Variants in ETV3 observed in about 807,000 individuals in gnomAD.
ETV3 encodes ETS translocation variant 3.
In ETV3, 8 loss-of-function variants were observed where a neutral mutation model predicts 33.0. The observed-to-expected ratio is 0.24, with a 90% CI of 0.14 to 0.44. The LOEUF (loss-of-function observed/expected upper bound fraction) is 0.44, where lower values mean the gene tolerates loss of function less well. ETV3 is among the 20% of genes least tolerant of loss of function. The probability of loss-of-function intolerance (pLI) is 1.00; values close to 1 mark genes in which losing one functional copy is unlikely to be tolerated. For missense variants in ETV3, 473 were observed against 652.3 expected (o/e 0.73, Z 2.99); for synonymous variants, 222 against 238.9 (o/e 0.93, Z 0.65).
At chr1:157,133,510 G>A (rs1675022152) in intron 4 of ETV3, 2 of 985,916 alleles carry the variant, frequency 2.0e-6, no homozygotes, top group Non-Finnish European at 2.4e-6. Context: ...GTGATGGAAA[G>A]CTATAACCAG....
intron 4 of ETV3, among the ~76,000 whole-genome samples, chr1:157,127,089 G>A (rs192822345): frequency 9.8e-4 from 150 of 152,350 alleles, no homozygotes; most frequent in African/African-American, 3.5e-3. Context: ...TTGGGCCAAG[G>A]CCCCATTCCT....
chr1:157,135,759 A>T, intron 2 of ETV3, 51 bp from the exon 3 acceptor site: 1 of 1,533,186 alleles, frequency 6.5e-7, no homozygotes. Context: ...AGGTACATAC[A>T]TACCAGCAAC....
In ETV3 at chr1:157,135,677, T is replaced by C. The variant is rs1189177956; in HGVS notation, c.78A>G (p.Thr26=). Residue 26 remains threonine, a synonymous_variant, in exon 3 of 5, where the codon ACA becomes ACG. Coordinates refer to ENST00000368192, the MANE Select transcript of ETV3 (RefSeq NM_001145312.3). The stretch of plus-strand genomic sequence containing the variant: ...TCTGCCGGGAGCCTGGGGATGACTC[T>C]GTTTTGTAGGCCCAGTCAGGAAACT... ...GYQFPDWAYK[T]ESSPGSRQIQ... is the part of the protein sequence containing the mutation. 6.2e-7 allele frequency: 1 copy of C among 1,614,144 alleles called. No individual in the cohort carries two copies. Among genetic ancestry groups the C allele is most frequent in the Admixed American group, 1.7e-5 (1 of 60,012 alleles).
At position 157,125,826 on chromosome 1, in the gene ETV3, G is replaced by C; in HGVS notation, c.554C>G (p.Thr185Ser). ...CTCTGAAAGCTCAGTCTTTCTATCA[G>C]TACCATTACTGGACTCCTGGCCAGA... ...TASGQESSNG[T>S]DRKTELSELE... is the part of the protein sequence containing the mutation. The change falls in exon 5 of 5, where the codon ACT (threonine) becomes AGT (serine). Residue 185 changes from threonine (T) to serine (S), a missense_variant. Physicochemically the swap from Thr to Ser is moderately conservative, Grantham distance 58 (BLOSUM62 1). This residue lies in a region of ETV3 where 410 missense variants were observed against 520.2 expected (regional missense o/e 0.79). Transcript: ENST00000368192. The surrounding 1 kb of genome is among the most constrained non-coding windows in gnomAD (Gnocchi z 4.0). The C allele has an allele frequency of 6.4e-7, 1 of 1,551,714 alleles. No homozygotes were observed. The highest frequency in any genetic ancestry group is 8.7e-7 in the Non-Finnish European group (1 of 1,147,004).
Position 157,122,869 on chromosome 1 carries a change from C to T in ETV3, c.*1972G>A, listed in dbSNP as rs1674734771. ...TTGCTGGAGACTACCCTCTCAGTCC[C>T]ATTCCTGGGGAAAGGTAGGTCACTC... On this transcript the variant is annotated 3_prime_UTR_variant, in exon 5 of 5. Transcript: ENST00000368192. The T allele has an allele frequency of 6.6e-6, 1 of 152,204 alleles. No individual in the cohort carries two copies. Among genetic ancestry groups the T allele is most frequent in the South Asian group, 2.1e-4 (1 of 4,828 alleles). 9.4% of individuals were successfully genotyped at this position (152,204 alleles called of 1,614,324 possible).
rs1674831106 is a variant in ETV3 at position 157,126,173 on chromosome 1, CTCTTCACTG to C, written c.401-203_401-195del. ...ACTCAACTTGTCATCCTTCTCTAGG[CTCTTCACTG>C]TCTTCACAGTACTCCTTACTGTCAA... On this transcript the variant is annotated intron_variant, in intron 4 of 4. Transcript: ENST00000368192. 2.0e-5 allele frequency among the ~76,000 whole-genome samples: 3 copies of C among 152,328 alleles called. No individual in the cohort carries two copies. In the Middle Eastern group the frequency reaches 0.01, roughly 518 times the overall value.
Position 157,135,587 on chromosome 1 carries a change from C to A in ETV3, c.168G>T (p.Trp56Cys). The change falls in exon 3 of 5, where the codon TGG (tryptophan) becomes TGT (cysteine). Residue 56 changes from tryptophan to cysteine, a missense_variant. This residue lies in a region of ETV3 where 30 missense variants were observed against 94.9 expected (regional missense o/e 0.32). Coordinates refer to ENST00000368192, the MANE Select transcript of ETV3 (RefSeq NM_001145312.3). ...QKEEFRHVIA[W>C]QQGEYGEFVI... is the part of the protein sequence containing the mutation. ...CAAATTCCCCGTACTCTCCCTGCTGCCAGGCGATGACATGGCGGAACTCTT... is the reference window on the plus strand; with the variant it reads ...CAAATTCCCCGTACTCTCCCTGCTGACAGGCGATGACATGGCGGAACTCTT... The A allele has an allele frequency of 6.2e-7, 1 of 1,614,112 alleles. No individual in the cohort carries two copies.
chr1:157,129,000 T>C (rs1674908557), intron 4 of ETV3, among the ~76,000 whole-genome samples: 1 of 152,264 alleles, frequency 6.6e-6, no homozygotes. Flanking sequence ...GTTTTATATT[T>C]AGATTTACAT....
Position 157,125,405 on chromosome 1 carries a change from G to A in ETV3, c.975C>T (p.Leu325=), listed in dbSNP as rs1674805723. ...SPRTFPRYPG[L]MVPPLQCQMH... ...TTTGGCACTGCAGTGGTGGAACCATGAGCCCTGGGTAACGGGGAAAAGTCC... is the reference window on the plus strand; with the variant it reads ...TTTGGCACTGCAGTGGTGGAACCATAAGCCCTGGGTAACGGGGAAAAGTCC... The change falls in exon 5 of 5, where the codon CTC becomes CTT. Residue 325 remains leucine, a synonymous_variant. Coordinates refer to ENST00000368192, the MANE Select transcript of ETV3 (RefSeq NM_001145312.3). The surrounding 1 kb of genome is among the most constrained non-coding windows in gnomAD (Gnocchi z 4.0). 2 of 1,552,156 alleles carry A rather than the reference G, an allele frequency of 1.3e-6. No homozygotes were observed. The highest frequency in any genetic ancestry group is 2.0e-5 in the Admixed American group (1 of 51,014).
At chr1:157,137,295 C>A (rs1375686108) in intron 1 of ETV3, among the ~76,000 whole-genome samples, 1 of 152,098 alleles carries the variant, frequency 6.6e-6, no homozygotes, top group African/African-American at 2.4e-5. Context: ...CCTCAGCATC[C>A]ACATTAGCAG....
In ETV3 at chr1:157,124,652, G is replaced by A; in HGVS notation, c.*189C>T. Reference sequence around the variant, plus strand: ...TGTCCTACTCACCAGGAAAATAAGTGTGTTCATATCCCACCTAATTTACAA... The same window carrying A: ...TGTCCTACTCACCAGGAAAATAAGTATGTTCATATCCCACCTAATTTACAA... On this transcript the variant is annotated 3_prime_UTR_variant, in exon 5 of 5. Coordinates refer to ENST00000368192, the MANE Select transcript of ETV3 (RefSeq NM_001145312.3). The A allele has an allele frequency of 1.8e-6, 1 of 562,746 alleles. No homozygotes were observed. Among genetic ancestry groups the A allele is most frequent in the East Asian group, 3.0e-5 (1 of 33,182 alleles). The allele number at this position is 562,746 out of a possible 1,614,324, so 34.9% of individuals were successfully genotyped here. A position where few individuals can be genotyped will look rare whatever the true frequency, so the allele number is the denominator to read the frequency against.
chr1:157,133,416 G>C lies in ETV3; in HGVS notation c.400+696C>G, dbSNP rs140715351. ...TGGGCAGGAGTATGATTTGCATAAG[G>C]AAAAAAATCACAAACAAAAAACCAC... On this transcript the variant is annotated intron_variant, in intron 4 of 4. Transcript: ENST00000368192. The C allele has an allele frequency of 2.2e-4, 213 of 985,364 alleles. No homozygotes were observed. The African/African-American group carries it at 3.4e-3, about 16-fold the overall frequency. The allele number at this position is 985,364 out of a possible 1,614,324, so 61.0% of individuals were successfully genotyped here. A position where few individuals can be genotyped will look rare whatever the true frequency, so the allele number is the denominator to read the frequency against.
intron 1 of ETV3, among the ~76,000 whole-genome samples, chr1:157,136,860 G>A (rs919599409): frequency 6.6e-6 from 1 of 152,056 alleles, no homozygotes; most frequent in Non-Finnish European, 1.5e-5. Flanking sequence ...ATCTGATTTT[G>A]ATTTATTTTA....
Position 157,124,860 on chromosome 1 carries a change from G to A in ETV3, c.1520C>T (p.Thr507Ile), listed in dbSNP as rs904081440. The A allele has an allele frequency of 6.5e-7, 1 of 1,540,268 alleles. No homozygotes were observed. The highest frequency in any genetic ancestry group is 8.7e-7 in the Non-Finnish European group (1 of 1,143,346). Reference sequence around the variant, plus strand: ...CCAGTTCTAAGCATCAGCAGCTGCTGTTGCCAAGCCCTGGGGTCCTGACCC... The same window carrying A: ...CCAGTTCTAAGCATCAGCAGCTGCTATTGCCAAGCCCTGGGGTCCTGACCC... ...WNGSGPQGLATAAADA is the reference protein window; with the variant it reads ...WNGSGPQGLAIAAADA Residue 507 changes from threonine (T) to isoleucine (I), a missense_variant, in exon 5 of 5, where the codon ACA becomes ATA. By Grantham distance (89) the Thr-to-Ile change is moderately conservative. Around this residue, in one of 3 missense-constraint regions of ETV3, gnomAD observed 410 missense variants for 520.2 expected, o/e 0.79. Coordinates refer to ENST00000368192, the MANE Select transcript of ETV3 (RefSeq NM_001145312.3).
chr1:157,136,802 A>G (rs1408939009), intron 1 of ETV3, among the ~76,000 whole-genome samples: 1 of 152,234 alleles, frequency 6.6e-6, no homozygotes, highest in Non-Finnish European at 1.5e-5. Flanking sequence ...TACCAGTTTA[A>G]AGGATGAAAA....
rs763848021 is a variant in ETV3 at position 157,135,733 on chromosome 1, AAGCTAGTTAAG to A, written c.47-36_47-26del. 1.6e-5 allele frequency: 26 copies of A among 1,611,496 alleles called. No individual in the cohort carries two copies. In the South Asian group the frequency reaches 2.7e-4, roughly 17 times the overall value. On this transcript the variant is annotated intron_variant, in intron 2 of 4. Coordinates refer to ENST00000368192, the MANE Select transcript of ETV3 (RefSeq NM_001145312.3). ...CCTTTCATGTGAGAAGGTCAAGATT[AAGCTAGTTAAG>A]AGGTAGGTACATACATACCAGCAAC...
At chr1:157,136,687 A>G (rs1426994503) in intron 1 of ETV3, among the ~76,000 whole-genome samples, 3 of 152,248 alleles carry the variant, frequency 2.0e-5, no homozygotes, top group African/African-American at 7.2e-5. Context: ...AGGAAGGTAC[A>G]GTGAAATGGG....
chr1:157,128,000 G>T (rs2103201158), intron 4 of ETV3, among the ~76,000 whole-genome samples: 1 of 152,178 alleles, frequency 6.6e-6, no homozygotes, highest in East Asian at 1.9e-4. Context: ...TCAGGCAAAG[G>T]TGAAGAAAGA....
chr1:157,125,610 C>T lies in ETV3; in HGVS notation c.770G>A (p.Gly257Asp). 1 of 1,551,694 alleles carries T rather than the reference C, an allele frequency of 6.4e-7. No individual in the cohort carries two copies. The highest frequency in any genetic ancestry group is 8.7e-7 in the Non-Finnish European group (1 of 1,146,990). ...TGGTGAAATGGGGACATTAAGGACACCTCCGCGGCCAGGGATTGGAGAGAC... is the reference window on the plus strand; with the variant it reads ...TGGTGAAATGGGGACATTAAGGACATCTCCGCGGCCAGGGATTGGAGAGAC... Reference protein sequence around the residue: ...FAVSPIPGRGGVLNVPISPAL... With the variant: ...FAVSPIPGRGDVLNVPISPAL... Residue 257 changes from glycine (G) to aspartate (D), a missense_variant, in exon 5 of 5, where the codon GGT becomes GAT. By Grantham distance (94) the Gly-to-Asp change is moderately conservative. Transcript: ENST00000368192. The surrounding 1 kb of genome is among the most constrained non-coding windows in gnomAD (Gnocchi z 4.0).
Sources: allele counts gnomAD v4.1 joint callset (sites outside exome capture counted in the v4.1 genomes callset), GRCh38; gene constraint gnomAD v4.1.1; regional missense constraint gnomAD v4.1.1; non-coding constraint Gnocchi (gnomAD v3.1); transcripts MANE v1.5; gene names NCBI Gene and HGNC (gene_info 2026-07-23, HGNC 2026-07-21).